Variants in GOLM1 observed in about 807,000 individuals in gnomAD.
The protein encoded by GOLM1 is epididymis luminal protein 46.
A neutral mutation model predicts 50.5 loss-of-function variants in GOLM1; 31 were observed. The observed-to-expected ratio is 0.61, with a 90% confidence interval of 0.46 to 0.83. The LOEUF (loss-of-function observed/expected upper bound fraction) is 0.83. Ranked by LOEUF, GOLM1 falls within the 40% of genes least tolerant of loss-of-function variation. The pLI is 0.00. For synonymous variants in GOLM1, 178 were observed against 192.8 expected (o/e 0.92, Z 0.64); for missense variants, 491 against 501.3 (o/e 0.98, Z 0.20).
chr9:86,050,361 C>T (rs986183327), intron 4 of GOLM1, among the ~76,000 whole-genome samples: 1 of 152,178 alleles, frequency 6.6e-6, no homozygotes, highest in Non-Finnish European at 1.5e-5. Context: ...GCTTTGGTAT[C>T]AGGATGATGC....
At chr9:86,066,682 G>A (rs879108766) in intron 3 of GOLM1, among the ~76,000 whole-genome samples, 1 of 152,216 alleles carries the variant, frequency 6.6e-6, no homozygotes, top group South Asian at 2.1e-4. Context: ...AATGTTACAA[G>A]TGCAAATGCT....
intron 3 of GOLM1, among the ~76,000 whole-genome samples, chr9:86,062,577 G>C (rs939066379): frequency 1.3e-5 from 2 of 150,890 alleles, no homozygotes; most frequent in African/African-American, 4.9e-5. Context: ...ATGGAAGGAA[G>C]AGGAGAGAGA....
At chr9:86,072,552 G>T (rs1834479064) in intron 3 of GOLM1, among the ~76,000 whole-genome samples, 1 of 152,182 alleles carries the variant, frequency 6.6e-6, no homozygotes, top group African/African-American at 2.4e-5. Context: ...TGATGAGTAA[G>T]TTTCCAATCT....
At chr9:86,084,412 G>A (rs990284961) in intron 1 of GOLM1, among the ~76,000 whole-genome samples, 8 of 152,114 alleles carry the variant, frequency 5.3e-5, no homozygotes, top group African/African-American at 1.9e-4. Context: ...GGTGCACTAG[G>A]AGGGCACGGC....
At chr9:86,046,047 T>C (rs1043033408) in intron 5 of GOLM1, among the ~76,000 whole-genome samples, 9 of 152,160 alleles carry the variant, frequency 5.9e-5, no homozygotes, top group Non-Finnish European at 7.3e-5. Flanking sequence ...ACTGTAAAAA[T>C]TGGGAAAATC....
At chr9:86,030,819 T>G (rs1832952820) in intron 9 of GOLM1, among the ~76,000 whole-genome samples, 1 of 152,238 alleles carries the variant, frequency 6.6e-6, no homozygotes, top group Non-Finnish European at 1.5e-5. Flanking sequence ...TACAGAAATT[T>G]TTTGCTTTTT....
Position 86,040,838 on chromosome 9 carries a change from C to T in GOLM1, c.498G>A (p.Val166=), listed in dbSNP as rs1833320478. Residue 166 remains valine, a synonymous_variant, in exon 6 of 10, where the codon GTG becomes GTA. Transcript: ENST00000388712. ...CTATTCGCTCCTCACACTGTTCCTTCACCTCCTTCATCTGATTGATGCACT... is the reference window on the plus strand; with the variant it reads ...CTATTCGCTCCTCACACTGTTCCTTTACCTCCTTCATCTGATTGATGCACT... ...LSQCINQMKE[V]KEQCEERIEE... is the part of the protein sequence containing the mutation. 2 of 1,613,954 alleles carry T rather than the reference C, an allele frequency of 1.2e-6. No homozygotes were observed. Among genetic ancestry groups the T allele is most frequent in the East Asian group, 4.5e-5 (2 of 44,868 alleles).
intron 3 of GOLM1, among the ~76,000 whole-genome samples, chr9:86,075,135 C>G (rs1221792175): frequency 6.6e-6 from 1 of 152,208 alleles, no homozygotes; most frequent in East Asian, 1.9e-4. Flanking sequence ...ATCCATGAAC[C>G]TGGAAGTGGG....
intron 3 of GOLM1, among the ~76,000 whole-genome samples, chr9:86,075,332 C>A (rs1056329248): frequency 6.6e-5 from 10 of 152,262 alleles, no homozygotes; most frequent in African/African-American, 1.9e-4. Flanking sequence ...TGGCTTACGA[C>A]TGCGCCCACC....
intron 3 of GOLM1, among the ~76,000 whole-genome samples, chr9:86,053,352 A>C (rs1833840013): frequency 4.5e-5 from 4 of 88,604 alleles, no homozygotes; most frequent in Non-Finnish European, 6.8e-5. Flanking sequence ...CCACAACTCC[A>C]CACCACGTAC....
intron 3 of GOLM1, 124 bp downstream of exon 3, chr9:86,077,288 G>A: frequency 6.5e-6 from 5 of 769,898 alleles, no homozygotes; most frequent in Non-Finnish European, 8.8e-6. Flanking sequence ...TGATCAATAG[G>A]CTCTTTCCAC....
chr9:86,057,692 G>A (rs974423890), intron 3 of GOLM1, among the ~76,000 whole-genome samples: 27 of 152,304 alleles, frequency 1.8e-4, no homozygotes, highest in East Asian at 7.7e-4. Context: ...GGCATGCTGC[G>A]GCCCTGGGTG....
At chr9:86,090,152 C>T (rs895165894) in intron 1 of GOLM1, among the ~76,000 whole-genome samples, 14 of 152,122 alleles carry the variant, frequency 9.2e-5, no homozygotes, top group African/African-American at 2.4e-4. Context: ...AGATGCCAGC[C>T]GGAGCTCTCC....
intron 3 of GOLM1, among the ~76,000 whole-genome samples, chr9:86,060,876 CAAAAAAAA>C (rs753183065): frequency 2.0e-4 from 4 of 19,894 alleles, no homozygotes; most frequent in Admixed American, 7.1e-4. Flanking sequence ...GAAACTCTCT[CAAAAAAAA>C]AAAAAAAAAA....
chr9:86,031,925 CA>C (rs1043805404), intron 9 of GOLM1, among the ~76,000 whole-genome samples: 462 of 36,066 alleles, frequency 0.013, no homozygotes, highest in African/African-American at 0.036. Flanking sequence ...GACTCCATCT[CA>C]AAAAAAAAAA....
intron 3 of GOLM1, 43 bp from the exon 4 acceptor site, chr9:86,052,634 C>T (rs1283247232): frequency 4.5e-6 from 7 of 1,543,218 alleles, no homozygotes; most frequent in African/African-American, 1.4e-5. Flanking sequence ...AAACCAACAC[C>T]TCAGCCTGAC....
At chr9:86,090,758 G>A (rs1035316966) in intron 1 of GOLM1, among the ~76,000 whole-genome samples, 6 of 139,406 alleles carry the variant, frequency 4.3e-5, no homozygotes, top group South Asian at 2.3e-4. Flanking sequence ...GTTCTGTCTC[G>A]CTGGCGTTCC....
intron 1 of GOLM1, among the ~76,000 whole-genome samples, chr9:86,095,067 C>G (rs1835312698): frequency 8.0e-6 from 1 of 125,400 alleles, no homozygotes; most frequent in South Asian, 2.6e-4. Context: ...TGGGCAAAAA[C>G]CCCGTCTAAA....
At chr9:86,093,501 T>C (rs1307387354) in intron 1 of GOLM1, among the ~76,000 whole-genome samples, 1 of 150,672 alleles carries the variant, frequency 6.6e-6, no homozygotes. Context: ...ACCCAGGAGA[T>C]GGAGGTTGCA....
Sources: allele counts gnomAD v4.1 joint callset (sites outside exome capture counted in the v4.1 genomes callset), GRCh38; gene constraint gnomAD v4.1.1; transcripts MANE v1.5; gene names NCBI Gene and HGNC (gene_info 2026-07-23, HGNC 2026-07-21).